SLC25A26: variants seen among roughly 807,000 people sequenced by gnomAD.
SLC25A26 encodes solute carrier family 25 member 26, also known as mitochondrial S-adenosylmethionine carrier protein.
SLC25A26 carries 36 observed loss-of-function variants against 37.8 expected under a neutral mutation model. That is an observed-to-expected ratio of 0.95 (90% CI 0.73 to 1.26). The LOEUF is 1.26. SLC25A26 is among the 50% of genes most tolerant of loss of function. The pLI is 0.00. For missense variants in SLC25A26, 390 were observed against 331.1 expected (o/e 1.18, Z -1.38); for synonymous variants, 129 against 122.5 (o/e 1.05, Z -0.35).
At chr3:66,193,938 A>G (rs954848441) in intron 1 of SLC25A26, among the ~76,000 whole-genome samples, 57 of 152,370 alleles carry the variant, frequency 3.7e-4, no homozygotes, top group African/African-American at 1.2e-3. Flanking sequence ...TCATTAGATG[A>G]TCACCAGGAT....
chr3:66,369,870 C>G (rs954232950), intron 8 of SLC25A26, among the ~76,000 whole-genome samples: 3 of 152,166 alleles, frequency 2.0e-5, no homozygotes, highest in African/African-American at 7.2e-5. Context: ...AGGTAAGTGA[C>G]AGGCTTTGAA....
chr3:66,243,833 GGCTTCCA>G (rs755942998), intron 3 of SLC25A26, among the ~76,000 whole-genome samples: 41 of 152,152 alleles, frequency 2.7e-4, no homozygotes, highest in Non-Finnish European at 1.3e-4. Context: ...GTTGACGTTT[GGCTTCCA>G]GCTCCTCCAG....
At chr3:66,356,254 G>A (rs2076572904) in intron 6 of SLC25A26, among the ~76,000 whole-genome samples, 1 of 152,162 alleles carries the variant, frequency 6.6e-6, no homozygotes, top group South Asian at 2.1e-4. Context: ...CCACTTCATA[G>A]TATTGTGCCT....
chr3:66,157,149 A>T (rs1305100660), intron 1 of SLC25A26, among the ~76,000 whole-genome samples: 1 of 152,146 alleles, frequency 6.6e-6, no homozygotes, highest in African/African-American at 2.4e-5. Context: ...TGGGAGGATC[A>T]CTTGGGCCTG....
At chr3:66,363,713 A>AG (rs2076764209) in intron 7 of SLC25A26, among the ~76,000 whole-genome samples, 1 of 152,236 alleles carries the variant, frequency 6.6e-6, no homozygotes, top group Non-Finnish European at 1.5e-5. Context: ...GGGGAGGTTT[A>AG]GGGTGTTAAC....
intron 1 of SLC25A26, among the ~76,000 whole-genome samples, chr3:66,154,544 T>C (rs1013638037): frequency 2.1e-4 from 14 of 65,908 alleles, no homozygotes; most frequent in African/African-American, 2.9e-4. Flanking sequence ...TTTTTTCTTT[T>C]TTTTTTTTTT....
At chr3:66,149,692 G>T (rs564162282) in intron 1 of SLC25A26, among the ~76,000 whole-genome samples, 2 of 152,256 alleles carry the variant, frequency 1.3e-5, no homozygotes, top group African/African-American at 4.8e-5. Context: ...GGACTAAATT[G>T]TCATTCAAAT....
chr3:66,219,437 A>G (rs2071412344), upstream of SLC25A26, among the ~76,000 whole-genome samples: 2 of 152,202 alleles, frequency 1.3e-5, no homozygotes, highest in Non-Finnish European at 2.9e-5. Context: ...ATAAAAATGG[A>G]GATTATCCTG....
At chr3:66,294,285 A>C (rs2074819160) in intron 5 of SLC25A26, among the ~76,000 whole-genome samples, 1 of 151,934 alleles carries the variant, frequency 6.6e-6, no homozygotes, top group South Asian at 2.1e-4. Context: ...TTTTTGTGGC[A>C]GTTGTGAATG....
chr3:66,329,677 A>G (rs1227495351), intron 5 of SLC25A26, among the ~76,000 whole-genome samples: 1 of 152,194 alleles, frequency 6.6e-6, no homozygotes, highest in Non-Finnish European at 1.5e-5. Flanking sequence ...CGAAAAGACC[A>G]TTAGTATTTT....
chr3:66,175,113 A>G lies in SLC25A26; in HGVS notation c.-354+41129A>G, dbSNP rs1284627487. Among the ~76,000 whole-genome samples the G allele has an allele frequency of 1.1e-3, 96 of 84,198 alleles. 1 individual carries two copies. Among genetic ancestry groups the G allele is most frequent in the African/African-American group, 3.4e-3 (75 of 22,004 alleles). 55.2% of individuals were successfully genotyped at this position (84,198 alleles called of 152,430 possible). On this transcript the variant is annotated intron_variant, in intron 1 of 10. Transcript: ENST00000676754. ...TGTATATGTATATGTGTGTGTGTAT[A>G]TATATATATATATATATATATATAT...
exon 1 of SLC25A26, chr3:66,133,790 C>T (rs1268651003): frequency 6.6e-6 from 1 of 152,166 alleles, no homozygotes; most frequent in African/African-American, 2.4e-5. Flanking sequence ...GAGTTGAAAG[C>T]AGAGAGAAGG....
intron 5 of SLC25A26, among the ~76,000 whole-genome samples, chr3:66,264,254 A>G (rs540786678): frequency 1.7e-4 from 25 of 148,756 alleles, no homozygotes; most frequent in African/African-American, 5.4e-4. Context: ...CCTGGGCAAC[A>G]GGGCAACAAG....
At chr3:66,242,085 A>G (rs192660143) in intron 2 of SLC25A26, among the ~76,000 whole-genome samples, 101 of 152,244 alleles carry the variant, frequency 6.6e-4, no homozygotes, top group Non-Finnish European at 1.4e-3. Flanking sequence ...TGGAACTTAT[A>G]TTCTTAAAGA....
At chr3:66,288,832 GTA>G (rs1054618460) in intron 5 of SLC25A26, among the ~76,000 whole-genome samples, 7 of 152,066 alleles carry the variant, frequency 4.6e-5, no homozygotes, top group African/African-American at 1.7e-4. Context: ...AATCTGTTGG[GTA>G]TATACCCAGT....
chr3:66,166,799 G>C lies in SLC25A26; in HGVS notation c.-354+32815G>C, dbSNP rs375167489. ...TGGAATGGCCACAGACATGAGCCTC[G>C]TCAATGATGATATAGTTTGGCTCTA... On this transcript the variant is annotated intron_variant, in intron 1 of 10. Coordinates refer to the SLC25A26 transcript ENST00000676754. 2.0e-5 allele frequency among the ~76,000 whole-genome samples: 3 copies of C among 152,188 alleles called. No individual in the cohort carries two copies. In the South Asian group the frequency reaches 6.2e-4, roughly 32 times the overall value.
chr3:66,368,217 T>C (rs968277811), intron 7 of SLC25A26, among the ~76,000 whole-genome samples: 15 of 152,242 alleles, frequency 9.9e-5, no homozygotes, highest in African/African-American at 3.6e-4. Context: ...GGGTGTCCTG[T>C]TGCCCTTATA....
chr3:66,321,027 T>C (rs568082475), intron 5 of SLC25A26, among the ~76,000 whole-genome samples: 28 of 152,238 alleles, frequency 1.8e-4, no homozygotes, highest in African/African-American at 6.7e-4. Context: ...AATTAGGTCA[T>C]GGGGGTGGAG....
chr3:66,258,292 G>A (rs572533061), intron 3 of SLC25A26, among the ~76,000 whole-genome samples: 4 of 152,102 alleles, frequency 2.6e-5, no homozygotes, highest in Admixed American at 6.6e-5. Context: ...GCTGGAGGAC[G>A]TAAGAGCTGT....
Sources: gnomAD v4.1 joint callset for allele counts (sites outside exome capture counted in the v4.1 genomes callset) on GRCh38, gnomAD v4.1.1 for gene constraint, MANE v1.5 for transcripts, NCBI Gene and HGNC (gene_info 2026-07-23, HGNC 2026-07-21) for gene names.